GABRB1: variants seen among roughly 807,000 people sequenced by gnomAD.
GABRB1 encodes gamma-aminobutyric acid type A receptor subunit beta1, also known as gamma-aminobutyric acid receptor subunit beta-1.
GABRB1 carries 17 observed loss-of-function variants against 51.6 expected under a neutral mutation model. That is an observed-to-expected ratio of 0.33 (90% CI 0.23 to 0.49). The LOEUF is 0.49. Ranked by LOEUF, GABRB1 falls within the 20% of genes least tolerant of loss-of-function variation. GABRB1 has a pLI of 0.99. For missense variants in GABRB1, 410 were observed against 600.6 expected, an observed-to-expected ratio of 0.68 and a Z score of 3.32; for synonymous variants, 247 against 218.9, an observed-to-expected ratio of 1.13 and a Z score of -1.14.
rs550467360 is a variant in GABRB1 at position 47,126,284 on chromosome 4, G to A, written c.241-34965G>A. On this transcript the variant is annotated intron_variant, in intron 3 of 8. Coordinates refer to ENST00000295454, the MANE Select transcript of GABRB1 (RefSeq NM_000812.4). ...TTTGGGCCAAGTTGGGGGCAAAGAT[G>A]TTGGTCAGGTTATAAAGGCTCAGTT... 1.2e-4 allele frequency among the ~76,000 whole-genome samples: 19 copies of A among 152,262 alleles called. No homozygotes were observed. In the South Asian group the frequency reaches 2.5e-3, roughly 20 times the overall value.
At chr4:47,069,609 A>G (rs184445740) in intron 3 of GABRB1, among the ~76,000 whole-genome samples, 13 of 152,210 alleles carry the variant, frequency 8.5e-5, no homozygotes, top group African/African-American at 3.1e-4. Context: ...CACACCTCTC[A>G]GTGCTACTCC....
chr4:47,347,007 G>A (rs779882251), intron 5 of GABRB1, among the ~76,000 whole-genome samples: 2 of 152,062 alleles, frequency 1.3e-5, no homozygotes, highest in South Asian at 2.1e-4. Context: ...ATGGCAGGGC[G>A]CCGGTGACTC....
intron 4 of GABRB1, among the ~76,000 whole-genome samples, chr4:47,266,234 A>G (rs1722634908): frequency 1.3e-5 from 2 of 152,110 alleles, no homozygotes; most frequent in Non-Finnish European, 2.9e-5. Flanking sequence ...TTTATCAAAG[A>G]CTGGTTGGTT....
At chr4:47,208,370 A>G (rs1186003893) in intron 4 of GABRB1, among the ~76,000 whole-genome samples, 1 of 152,078 alleles carries the variant, frequency 6.6e-6, no homozygotes, top group Non-Finnish European at 1.5e-5. Flanking sequence ...AATAGGTACA[A>G]AGATTTTGTT....
intron 5 of GABRB1, among the ~76,000 whole-genome samples, chr4:47,366,583 T>C (rs1726992016): frequency 6.6e-6 from 1 of 152,064 alleles, no homozygotes; most frequent in Admixed American, 6.5e-5. Context: ...TTTTATCCAC[T>C]GCTACAGACA....
intron 4 of GABRB1, among the ~76,000 whole-genome samples, chr4:47,170,222 G>A (rs962367227): frequency 4.6e-5 from 7 of 151,818 alleles, no homozygotes; most frequent in Admixed American, 1.3e-4. Context: ...GTCTGACCAC[G>A]GATTGTGTGT....
At chr4:47,087,848 G>A (rs912931137) in intron 3 of GABRB1, among the ~76,000 whole-genome samples, 12 of 152,154 alleles carry the variant, frequency 7.9e-5, no homozygotes, top group Admixed American at 6.5e-4. Flanking sequence ...GAAATAATGA[G>A]TATATGTGTG....
intron 4 of GABRB1, among the ~76,000 whole-genome samples, chr4:47,179,025 T>G (rs994482758): frequency 1.3e-5 from 2 of 152,108 alleles, no homozygotes; most frequent in Non-Finnish European, 1.5e-5. Context: ...TGCAGGTTTG[T>G]TACATAGGTA....
intron 3 of GABRB1, among the ~76,000 whole-genome samples, chr4:47,048,566 G>GA (rs1726201264): frequency 1.3e-5 from 2 of 152,038 alleles, no homozygotes; most frequent in Admixed American, 1.3e-4. Flanking sequence ...TTTAGACCAG[G>GA]AAAAAAGATA....
chr4:47,393,532 G>C (rs900598623), intron 5 of GABRB1, among the ~76,000 whole-genome samples: 1 of 152,116 alleles, frequency 6.6e-6, no homozygotes, highest in Non-Finnish European at 1.5e-5. Context: ...TTTTTTCTTT[G>C]CATACTGAAA....
chr4:47,350,937 A>AT (rs1726305687), intron 5 of GABRB1, among the ~76,000 whole-genome samples: 1 of 152,232 alleles, frequency 6.6e-6, no homozygotes, highest in African/African-American at 2.4e-5. Context: ...TTCACAGATA[A>AT]TTTCCTCAAT....
chr4:47,415,902 T>C (rs1309485910), intron 8 of GABRB1, among the ~76,000 whole-genome samples: 1 of 151,958 alleles, frequency 6.6e-6, no homozygotes, highest in Non-Finnish European at 1.5e-5. Flanking sequence ...CCTTGGCCAT[T>C]GAAACTCAGA....
At chr4:47,136,254 A>G (rs1466711801) in intron 3 of GABRB1, among the ~76,000 whole-genome samples, 1 of 152,108 alleles carries the variant, frequency 6.6e-6, no homozygotes, top group African/African-American at 2.4e-5. Context: ...TGTCTTCGAG[A>G]GTGCTGGGAT....
At chr4:47,403,816 T>TTAGA in intron 7 of GABRB1, 105 bp downstream of exon 7, 1 of 1,035,410 alleles carries the variant, frequency 9.7e-7, no homozygotes, top group East Asian at 2.5e-5. Flanking sequence ...AGCCAAAGAA[T>TTAGA]TAGATCATCT....
chr4:47,227,079 C>T (rs1720968888), intron 4 of GABRB1, among the ~76,000 whole-genome samples: 1 of 152,140 alleles, frequency 6.6e-6, no homozygotes, highest in Non-Finnish European at 1.5e-5. Context: ...TATTATTCAA[C>T]ATCAAGTGCC....
At chr4:47,385,186 T>C (rs1727746167) in intron 5 of GABRB1, among the ~76,000 whole-genome samples, 1 of 152,206 alleles carries the variant, frequency 6.6e-6, no homozygotes, top group Non-Finnish European at 1.5e-5. Flanking sequence ...CATCTGAGAC[T>C]AGTTGAACAG....
At chr4:47,172,868 C>CT (rs1718502329) in intron 4 of GABRB1, among the ~76,000 whole-genome samples, 1 of 151,962 alleles carries the variant, frequency 6.6e-6, no homozygotes, top group Non-Finnish European at 1.5e-5. Context: ...CCTTGAGCTC[C>CT]TGACCTCAGA....
intron 7 of GABRB1, among the ~76,000 whole-genome samples, chr4:47,404,224 A>G (rs924397225): frequency 3.3e-5 from 5 of 152,204 alleles, no homozygotes; most frequent in Admixed American, 6.5e-5. Context: ...GGCACAGACA[A>G]TTCATCAGCT....
intron 4 of GABRB1, among the ~76,000 whole-genome samples, chr4:47,276,423 G>T (rs558778219): frequency 1.2e-4 from 19 of 152,114 alleles, no homozygotes; most frequent in African/African-American, 4.6e-4. Flanking sequence ...TTAAAGAGTG[G>T]CTTAGATACC....
Sources: allele counts gnomAD v4.1 joint callset (sites outside exome capture counted in the v4.1 genomes callset), GRCh38; gene constraint gnomAD v4.1.1; transcripts MANE v1.5; gene names NCBI Gene and HGNC (gene_info 2026-07-23, HGNC 2026-07-21).